The following PRKAR2B variants were observed in gnomAD, a reference collection of about 807,000 sequenced individuals.
PRKAR2B encodes cAMP-dependent protein kinase type II-beta regulatory subunit.
A neutral mutation model predicts 49.9 loss-of-function variants in PRKAR2B; 14 were observed. The observed-to-expected ratio is 0.28, with a 90% CI of 0.19 to 0.44. PRKAR2B has a LOEUF of 0.44. Ranked by LOEUF, PRKAR2B falls within the 20% of genes least tolerant of loss-of-function variation. The probability of loss-of-function intolerance (pLI) is 1.00; values close to 1 mark genes in which losing one functional copy is unlikely to be tolerated. For missense variants in PRKAR2B, 393 were observed against 537.9 expected (o/e 0.73, Z 2.67); for synonymous variants, 196 against 197.7 (o/e 0.99, Z 0.07).
chr7:107,064,568 T>C (rs981882719), intron 1 of PRKAR2B, among the ~76,000 whole-genome samples: 1 of 152,184 alleles, frequency 6.6e-6, no homozygotes, highest in Admixed American at 6.5e-5. Context: ...AAGAAGTGCC[T>C]TGAGGTACAT....
At chr7:107,139,800 T>C (rs534771683) in intron 4 of PRKAR2B, among the ~76,000 whole-genome samples, 1 of 152,258 alleles carries the variant, frequency 6.6e-6, no homozygotes, top group Non-Finnish European at 1.5e-5. Flanking sequence ...TGATCTGTTA[T>C]CCTCTTTATT....
intron 2 of PRKAR2B, among the ~76,000 whole-genome samples, chr7:107,119,486 C>A (rs1795349921): frequency 6.6e-6 from 1 of 152,160 alleles, no homozygotes; most frequent in African/African-American, 2.4e-5. Flanking sequence ...ATGTAGCATT[C>A]CTGCCTATGA....
intron 1 of PRKAR2B, among the ~76,000 whole-genome samples, chr7:107,068,341 C>G (rs1032752655): frequency 3.9e-5 from 6 of 152,102 alleles, no homozygotes; most frequent in African/African-American, 1.4e-4. Context: ...TAACCTTCAT[C>G]TTGCCTATAT....
At chr7:107,080,249 G>C (rs191435493) in intron 2 of PRKAR2B, among the ~76,000 whole-genome samples, 62 of 152,302 alleles carry the variant, frequency 4.1e-4, no homozygotes, top group African/African-American at 1.5e-3. Flanking sequence ...CTATCTTTCA[G>C]ATCCCACTGT....
At chr7:107,129,492 C>T (rs145228737) in intron 4 of PRKAR2B, among the ~76,000 whole-genome samples, 7 of 152,258 alleles carry the variant, frequency 4.6e-5, no homozygotes, top group South Asian at 4.2e-4. Context: ...GCCCTGTACG[C>T]GCACTAGGCT....
At chr7:107,089,552 C>T (rs942309892) in intron 2 of PRKAR2B, among the ~76,000 whole-genome samples, 3 of 152,096 alleles carry the variant, frequency 2.0e-5, no homozygotes, top group Non-Finnish European at 4.4e-5. Context: ...CATTTCAGAC[C>T]ATTTTTCCTA....
chr7:107,128,070 C>T, intron 3 of PRKAR2B, 142 bp from the exon 4 acceptor site: 1 of 615,448 alleles, frequency 1.6e-6, no homozygotes, highest in Non-Finnish European at 2.9e-6. Context: ...AAAAGTGAAT[C>T]TCAGCACCAA....
rs147673007 is a variant in PRKAR2B, at chr7:107,066,301, G to GGGGTGT, written c.308-3979_308-3978insGGTGTG. On this transcript the variant is annotated intron_variant, in intron 1 of 10. Coordinates refer to ENST00000265717, the MANE Select transcript of PRKAR2B (RefSeq NM_002736.3). The stretch of plus-strand genomic sequence containing the variant: ...AGTCTCTAGTTTTCTCTCTATGTGG[G>GGGGTGT]GTGTGTGTGTGTGTGTGTGTGTGTG... Among the ~76,000 whole-genome samples the GGGGTGT allele has an allele frequency of 6.0e-3, 879 of 145,598 alleles. 20 individuals are homozygous for GGGGTGT. The highest frequency in any genetic ancestry group is 0.037 in the Admixed American group (545 of 14,646).
intron 1 of PRKAR2B, chr7:107,068,637 G>A (rs1226904089): frequency 5.9e-5 from 9 of 152,054 alleles, no homozygotes; most frequent in Admixed American, 5.9e-4. Flanking sequence ...AGTCACTTTG[G>A]AGGATATAAT....
chr7:107,094,137 A>G (rs1794790368), intron 2 of PRKAR2B, among the ~76,000 whole-genome samples: 1 of 152,146 alleles, frequency 6.6e-6, no homozygotes, highest in African/African-American at 2.4e-5. Context: ...AACAGTGTAA[A>G]AGTGTTCCTA....
At chr7:107,132,180 T>C (rs78802278) in intron 4 of PRKAR2B, among the ~76,000 whole-genome samples, 6,934 of 152,140 alleles carry the variant, frequency 0.046, 199 homozygotes, top group African/African-American at 0.064. Context: ...AATCACCAGG[T>C]GAGGAAAAGT....
intron 4 of PRKAR2B, among the ~76,000 whole-genome samples, chr7:107,135,582 A>G (rs1301100882): frequency 6.6e-6 from 1 of 152,204 alleles, no homozygotes; most frequent in Non-Finnish European, 1.5e-5. Context: ...TCAGCAGTGA[A>G]CAAGTGGAAT....
intron 4 of PRKAR2B, among the ~76,000 whole-genome samples, chr7:107,134,822 C>T (rs73723714): frequency 0.015 from 2,284 of 152,250 alleles, 53 homozygotes; most frequent in African/African-American, 0.051. Flanking sequence ...TTTGCATATA[C>T]AAGAATTAAT....
intron 2 of PRKAR2B, among the ~76,000 whole-genome samples, chr7:107,115,725 T>C (rs1795261543): frequency 6.6e-6 from 1 of 152,214 alleles, no homozygotes; most frequent in Admixed American, 6.5e-5. Flanking sequence ...AATGGTTTTT[T>C]TGATAGTCAT....
At position 107,159,742 on chromosome 7, in the gene PRKAR2B, C is replaced by T; in HGVS notation, c.*160C>T. ...CAATAAACAGTAGTGATTTAATAGT[C>T]AATAGGCTTTAACATCACTTTCTAA... On this transcript the variant is annotated 3_prime_UTR_variant, in exon 11 of 11. Coordinates refer to ENST00000265717, the MANE Select transcript of PRKAR2B (RefSeq NM_002736.3). 1 of 627,116 alleles carries T rather than the reference C, an allele frequency of 1.6e-6. No individual in the cohort carries two copies. Among genetic ancestry groups the T allele is most frequent in the East Asian group, 2.9e-5 (1 of 34,314 alleles). 38.8% of individuals were successfully genotyped at this position (627,116 alleles called of 1,614,324 possible).
chr7:107,091,167 G>GT (rs529435422), intron 2 of PRKAR2B, among the ~76,000 whole-genome samples: 69 of 151,932 alleles, frequency 4.5e-4, no homozygotes, highest in Admixed American at 2.6e-3. Context: ...AAGAGCACTG[G>GT]TTTTTTTTGG....
At chr7:107,145,013 A>G (rs1795864383) in intron 5 of PRKAR2B, among the ~76,000 whole-genome samples, 1 of 152,098 alleles carries the variant, frequency 6.6e-6, no homozygotes, top group African/African-American at 2.4e-5. Context: ...GTGCAGTGAC[A>G]TGCAAACTGA....
intron 2 of PRKAR2B, among the ~76,000 whole-genome samples, chr7:107,089,979 C>A (rs1284720425): frequency 6.6e-6 from 1 of 152,196 alleles, no homozygotes; most frequent in Non-Finnish European, 1.5e-5. Flanking sequence ...TGGTTTTATT[C>A]TTAGTTACTT....
chr7:107,059,995 T>A (rs1793994813), intron 1 of PRKAR2B, among the ~76,000 whole-genome samples: 1 of 152,148 alleles, frequency 6.6e-6, no homozygotes, highest in Admixed American at 6.5e-5. Context: ...TCATACCAGA[T>A]TTGCAAAAAT....
Sources: allele counts gnomAD v4.1 joint callset (sites outside exome capture counted in the v4.1 genomes callset), GRCh38; gene constraint gnomAD v4.1.1; transcripts MANE v1.5; gene names NCBI Gene and HGNC (gene_info 2026-07-23, HGNC 2026-07-21).